KRABD2: variants seen among roughly 807,000 people sequenced by gnomAD.
KRABD2 encodes the protein KRAB domain containing 2, also known as KRAB domain-containing protein 2.
the KRABD2 span, chr17:8,359,871 G>A: frequency 2.2e-6 from 1 of 455,706 alleles, no homozygotes; most frequent in Non-Finnish European, 4.4e-6. Context: ...CATTGCATCA[G>A]GAGAAAGAGA....
chr17:8,375,701 CTTTTTTTTT>C, the KRABD2 span: 1 of 146,556 alleles, frequency 6.8e-6, no homozygotes, highest in Non-Finnish European at 1.3e-5. Context: ...TCTTTTCTTT[CTTTTTTTTT>C]TTTTTTTGTA....
chr17:8,363,852 T>C, the KRABD2 span, among the ~76,000 whole-genome samples: 1 of 89,174 alleles, frequency 1.1e-5, no homozygotes, highest in African/African-American at 4.1e-5. Flanking sequence ...TATATATATA[T>C]ATATATATAT....
the KRABD2 span, chr17:8,369,967 G>A: frequency 6.2e-7 from 1 of 1,614,194 alleles, no homozygotes; most frequent in Non-Finnish European, 8.5e-7. Context: ...TTTCCTTGCA[G>A]CTCCTTGAGC....
At chr17:8,372,680 G>A in the KRABD2 span, among the ~76,000 whole-genome samples, 19 of 152,340 alleles carry the variant, frequency 1.2e-4, no homozygotes, top group African/African-American at 4.1e-4. This position sits in a 1 kb window ranked among gnomAD's most constrained non-coding sequence, Gnocchi z 4.1. Context: ...TGAAACCAGC[G>A]TCTCTCAGAA....
At chr17:8,363,850 T>TATC in the KRABD2 span, among the ~76,000 whole-genome samples, 2 of 89,878 alleles carry the variant, frequency 2.2e-5, no homozygotes, top group Non-Finnish European at 4.5e-5. Flanking sequence ...TATATATATA[T>TATC]ATATATATAT....
At chr17:8,367,946 AAAGTT>A in the KRABD2 span, among the ~76,000 whole-genome samples, 124 of 148,710 alleles carry the variant, frequency 8.3e-4, no homozygotes, top group African/African-American at 2.6e-3. Context: ...AAAAAAAAAA[AAAGTT>A]AAGAGCAAAA....
chr17:8,371,300 A>G, the KRABD2 span: 22 of 1,582,246 alleles, frequency 1.4e-5, no homozygotes, highest in Non-Finnish European at 1.8e-5. Context: ...GAAGATTCTG[A>G]GCCCTTACCC....
the KRABD2 span, chr17:8,370,006 T>G: frequency 6.2e-7 from 1 of 1,614,192 alleles, no homozygotes; most frequent in Non-Finnish European, 8.5e-7. Context: ...TGTCCAATAC[T>G]GAGATGTGTA....
chr17:8,362,713 A>G, the KRABD2 span, among the ~76,000 whole-genome samples: 1 of 152,192 alleles, frequency 6.6e-6, no homozygotes, highest in Non-Finnish European at 1.5e-5. The surrounding 1 kb of genome is among the most constrained non-coding windows in gnomAD (Gnocchi z 4.2). Context: ...GCTCACTCAC[A>G]TGGTTGGCAG....
chr17:8,363,859 A>T, the KRABD2 span, among the ~76,000 whole-genome samples: 3,805 of 74,966 alleles, frequency 0.051, 330 homozygotes, highest in African/African-American at 0.15. Flanking sequence ...ATATATATAT[A>T]TATTTATTTA....
the KRABD2 span, chr17:8,373,398 G>C: frequency 5.9e-6 from 1 of 169,092 alleles, no homozygotes; most frequent in African/African-American, 2.4e-5. Flanking sequence ...CTGGTCTCCA[G>C]CTCCTGACCG....
the KRABD2 span, among the ~76,000 whole-genome samples, chr17:8,363,848 TATATA>T: frequency 8.9e-5 from 8 of 89,880 alleles, no homozygotes; most frequent in African/African-American, 3.2e-4. Context: ...TATATATATA[TATATA>T]TATATATATT....
the KRABD2 span, among the ~76,000 whole-genome samples, chr17:8,363,856 TATA>T: frequency 0.021 from 1,388 of 65,028 alleles, 17 homozygotes; most frequent in Non-Finnish European, 0.034. Context: ...TATATATATA[TATA>T]TATTTATTTA....
the KRABD2 span, among the ~76,000 whole-genome samples, chr17:8,364,267 A>T: frequency 1.3e-5 from 2 of 152,216 alleles, no homozygotes; most frequent in Non-Finnish European, 2.9e-5. This position sits in a 1 kb window ranked among gnomAD's most constrained non-coding sequence, Gnocchi z 4.4. Context: ...CCATTAACTG[A>T]ATAATACAAC....
chr17:8,376,623 G>A, the KRABD2 span: 18 of 985,608 alleles, frequency 1.8e-5, no homozygotes, highest in African/African-American at 3.1e-4. Context: ...TGCAGACTGA[G>A]GAAGGTCAGG....
chr17:8,368,527 C>T, the KRABD2 span: 4 of 152,192 alleles, frequency 2.6e-5, no homozygotes, highest in Non-Finnish European at 5.9e-5. Context: ...GGAATGGATT[C>T]TCCCCCAGAG....
the KRABD2 span, among the ~76,000 whole-genome samples, chr17:8,362,434 G>T: frequency 6.6e-6 from 1 of 152,294 alleles, no homozygotes; most frequent in African/African-American, 2.4e-5. This position sits in a 1 kb window ranked among gnomAD's most constrained non-coding sequence, Gnocchi z 4.2. Context: ...ACTTCTGGAA[G>T]ATTCACTAGG....
chr17:8,373,655 C>A, the KRABD2 span: 1 of 160,166 alleles, frequency 6.2e-6, no homozygotes, highest in South Asian at 1.6e-4. Context: ...ATGTGAGGAG[C>A]CCCTGTGCCC....
At chr17:8,375,966 C>A in the KRABD2 span, 2 of 1,231,088 alleles carry the variant, frequency 1.6e-6, no homozygotes, top group Non-Finnish European at 1.0e-6. Flanking sequence ...CAATCACAGC[C>A]AGCTGAAACC....
Sources: allele counts gnomAD v4.1 joint callset (sites outside exome capture counted in the v4.1 genomes callset), GRCh38; gene constraint gnomAD v4.1.1; non-coding constraint Gnocchi (gnomAD v3.1); transcripts MANE v1.5; gene names NCBI Gene and HGNC (gene_info 2026-07-23, HGNC 2026-07-21).